The following LRRC4C variants were observed in gnomAD, a reference collection of about 807,000 sequenced individuals.
LRRC4C encodes leucine rich repeat containing 4C.
LRRC4C carries 5 observed loss-of-function variants against 33.6 expected under a neutral mutation model. The observed-to-expected ratio is 0.15, with a 90% confidence interval of 0.08 to 0.31. The LOEUF is 0.31. Ranked by LOEUF, LRRC4C falls within the 10% of genes least tolerant of loss-of-function variation. The pLI is 1.00. For missense variants in LRRC4C, 560 were observed against 796.7 expected (o/e 0.70, Z 3.58); for synonymous variants, 329 against 302.0 (o/e 1.09, Z -0.93).
At chr11:40,972,844 C>A (rs991395441) in intron 1 of LRRC4C, among the ~76,000 whole-genome samples, 1 of 152,018 alleles carries the variant, frequency 6.6e-6, no homozygotes, top group Non-Finnish European at 1.5e-5. Context: ...CAGAGCCAGA[C>A]CATATCAGTT....
chr11:41,455,989 G>A (rs185715921), intron 1 of LRRC4C, among the ~76,000 whole-genome samples: 1 of 152,074 alleles, frequency 6.6e-6, no homozygotes, highest in Non-Finnish European at 1.5e-5. Context: ...GAGTGAGTTG[G>A]CTTAATTTAT....
intron 1 of LRRC4C, among the ~76,000 whole-genome samples, chr11:41,107,022 AT>A (rs1456276119): frequency 1.4e-5 from 2 of 140,910 alleles, no homozygotes; most frequent in South Asian, 2.3e-4. Context: ...TAAAAAAAAA[AT>A]TAAATACTTG....
At chr11:41,322,991 G>A (rs1223674050) in intron 1 of LRRC4C, among the ~76,000 whole-genome samples, 1 of 152,086 alleles carries the variant, frequency 6.6e-6, no homozygotes, top group East Asian at 1.9e-4. Flanking sequence ...AAGAGGGTCT[G>A]AGAAGCAGTC....
At chr11:40,431,248 G>T (rs1164657103) in intron 3 of LRRC4C, among the ~76,000 whole-genome samples, 2 of 151,446 alleles carry the variant, frequency 1.3e-5, no homozygotes, top group African/African-American at 2.4e-5. Flanking sequence ...CTAACATGGT[G>T]AAACACTGTC....
intron 3 of LRRC4C, among the ~76,000 whole-genome samples, chr11:40,585,780 T>C (rs1162722362): frequency 4.3e-5 from 6 of 139,000 alleles, no homozygotes; most frequent in African/African-American, 1.6e-4. Flanking sequence ...ATTTCATCCA[T>C]GTCCCTACAA....
chr11:40,953,426 AATTC>A (rs1200747833), intron 1 of LRRC4C, among the ~76,000 whole-genome samples: 2 of 151,806 alleles, frequency 1.3e-5, no homozygotes, highest in African/African-American at 4.8e-5. Flanking sequence ...TGACCCTTCC[AATTC>A]ATAACAGTCT....
intron 1 of LRRC4C, among the ~76,000 whole-genome samples, chr11:41,296,418 G>A (rs899563223): frequency 7.3e-4 from 111 of 151,940 alleles, no homozygotes; most frequent in African/African-American, 2.5e-3. Flanking sequence ...AGGTTCAAGT[G>A]ATCCTCCTGC....
chr11:41,256,512 A>G (rs1349575651), intron 1 of LRRC4C, among the ~76,000 whole-genome samples: 1 of 151,986 alleles, frequency 6.6e-6, no homozygotes. Flanking sequence ...CTGAGTTAGA[A>G]ATCCAAAAAA....
intron 1 of LRRC4C, among the ~76,000 whole-genome samples, chr11:41,159,350 C>G (rs1944366990): frequency 6.6e-6 from 1 of 151,748 alleles, no homozygotes; most frequent in Non-Finnish European, 1.5e-5. Context: ...AATAGCTAGG[C>G]TGGATGACAA....
At position 41,121,914 on chromosome 11, in the gene LRRC4C, T is replaced by G. The variant is rs540891379; in HGVS notation, c.-495-188191A>C. Among the ~76,000 whole-genome samples the G allele has an allele frequency of 1.2e-4, 15 of 129,074 alleles. No homozygotes were observed. The South Asian group carries it at 4.1e-3, about 36-fold the overall frequency. The allele number at this position is 129,074 out of a possible 152,430, so 84.7% of individuals were successfully genotyped here. A position where few individuals can be genotyped will look rare whatever the true frequency, so the allele number is the denominator to read the frequency against. ...TGCCTGAGGACTAAATGCAGAGGTG[T>G]TGTCATCATTAGCAGTACAAAAAAA... On this transcript the variant is annotated intron_variant, in intron 1 of 6. Transcript: ENST00000528697.
At chr11:40,864,611 C>T (rs1216748887) in intron 2 of LRRC4C, among the ~76,000 whole-genome samples, 1 of 152,154 alleles carries the variant, frequency 6.6e-6, no homozygotes, top group African/African-American at 2.4e-5. Context: ...ACCCATGGCT[C>T]ACCTGCTCTT....
rs533339372 is a variant in LRRC4C, at chr11:40,656,270, C to T, written c.-406-7992G>A. Among the ~76,000 whole-genome samples, 66 of 151,606 alleles carry T rather than the reference C, an allele frequency of 4.4e-4. No individual in the cohort carries two copies. In the South Asian group the frequency reaches 8.7e-3, roughly 20 times the overall value. Reference sequence around the variant, plus strand: ...AATCCTTCTTTTCTACTCTACCTTCCCTATTCTCCCATTCTTGTTTTCTCC... The same window carrying T: ...AATCCTTCTTTTCTACTCTACCTTCTCTATTCTCCCATTCTTGTTTTCTCC... On this transcript the variant is annotated intron_variant, in intron 2 of 6. Coordinates refer to ENST00000528697, the MANE Select transcript of LRRC4C (RefSeq NM_001258419.2).
intron 3 of LRRC4C, among the ~76,000 whole-genome samples, chr11:40,558,523 G>A (rs1275333938): frequency 2.6e-5 from 4 of 152,102 alleles, no homozygotes; most frequent in Non-Finnish European, 4.4e-5. Context: ...AGCTCATTAA[G>A]GAAAACTTCT....
chr11:40,526,914 TAGAAC>T (rs1239193694), intron 3 of LRRC4C, among the ~76,000 whole-genome samples: 8 of 152,132 alleles, frequency 5.3e-5, no homozygotes, highest in Admixed American at 1.3e-4. Flanking sequence ...GGTAGATGAA[TAGAAC>T]AGAAGAGTGA....
chr11:40,608,966 C>T (rs570870418), intron 3 of LRRC4C, among the ~76,000 whole-genome samples: 10 of 152,238 alleles, frequency 6.6e-5, no homozygotes, highest in African/African-American at 2.4e-4. Flanking sequence ...CAGAGAGCAA[C>T]ACAATCATAG....
intron 1 of LRRC4C, among the ~76,000 whole-genome samples, chr11:41,238,984 T>A (rs969850376): frequency 6.6e-6 from 1 of 151,998 alleles, no homozygotes; most frequent in African/African-American, 2.4e-5. Context: ...ATTTCTATTC[T>A]GATAGAAAGT....
intron 3 of LRRC4C, among the ~76,000 whole-genome samples, chr11:40,544,702 TATTTGTTTTC>T (rs1372839342): frequency 6.6e-6 from 1 of 152,134 alleles, no homozygotes; most frequent in Non-Finnish European, 1.5e-5. Context: ...TACTTAGATA[TATTTGTTTTC>T]ACACTGCAAT....
chr11:40,913,559 G>C lies in LRRC4C; in HGVS notation c.-407+20076C>G, dbSNP rs200342543. On this transcript the variant is annotated intron_variant, in intron 2 of 6. Coordinates refer to ENST00000528697, the MANE Select transcript of LRRC4C (RefSeq NM_001258419.2). ...ACACATTCAAAGCAGTGTGTAGAGG[G>C]AAATTTATAGCACTAAATGCCCACA... Among the ~76,000 whole-genome samples the C allele has an allele frequency of 3.9e-5, 6 of 151,982 alleles. No individual in the cohort carries two copies. In the East Asian group the frequency reaches 1.2e-3, roughly 29 times the overall value.
At chr11:40,910,594 C>G (rs577601967) in intron 2 of LRRC4C, among the ~76,000 whole-genome samples, 3 of 152,314 alleles carry the variant, frequency 2.0e-5, no homozygotes, top group East Asian at 3.9e-4. Flanking sequence ...TGAATAGGAA[C>G]AGCTCCAGTC....
Sources: allele counts gnomAD v4.1 joint callset (sites outside exome capture counted in the v4.1 genomes callset), GRCh38; gene constraint gnomAD v4.1.1; transcripts MANE v1.5; gene names NCBI Gene and HGNC (gene_info 2026-07-23, HGNC 2026-07-21).